Variants in BICD1 observed in about 807,000 individuals in gnomAD.
BICD1 encodes BICD cargo adaptor 1.
A neutral mutation model predicts 92.5 loss-of-function variants in BICD1; 35 were observed. The observed-to-expected ratio is 0.38, with a 90% CI of 0.29 to 0.50. BICD1 has a LOEUF of 0.50. BICD1 is among the 20% of genes least tolerant of loss of function. The pLI is 0.93. For synonymous variants in BICD1, 429 were observed against 465.1 expected (o/e 0.92, Z 1.00); for missense variants, 950 against 1,189.8 (o/e 0.80, Z 2.97).
At chr12:32,288,633 A>C (rs953500093) in intron 2 of BICD1, among the ~76,000 whole-genome samples, 13 of 152,136 alleles carry the variant, frequency 8.5e-5, no homozygotes, top group African/African-American at 3.1e-4. Flanking sequence ...TGGGAGGCCA[A>C]CGCAGGTGGA....
chr12:32,335,463 A>AT (rs1294996122), intron 6 of BICD1, among the ~76,000 whole-genome samples: 9 of 152,054 alleles, frequency 5.9e-5, no homozygotes, highest in Non-Finnish European at 1.0e-4. Context: ...TTTTGTGTTT[A>AT]AACATGAAGT....
intron 2 of BICD1, among the ~76,000 whole-genome samples, chr12:32,279,058 C>CA (rs1158391297): frequency 6.6e-6 from 1 of 151,796 alleles, no homozygotes; most frequent in African/African-American, 2.4e-5. Flanking sequence ...CTATAGACTT[C>CA]AAAAAACAAA....
intron 8 of BICD1, among the ~76,000 whole-genome samples, chr12:32,340,914 G>A (rs1162511414): frequency 6.6e-6 from 1 of 152,126 alleles, no homozygotes; most frequent in Non-Finnish European, 1.5e-5. Flanking sequence ...TCAAGAGTGA[G>A]ATCACTCAGT....
At chr12:32,185,549 T>C (rs1944404058) in intron 1 of BICD1, among the ~76,000 whole-genome samples, 2 of 152,164 alleles carry the variant, frequency 1.3e-5, no homozygotes, top group African/African-American at 4.8e-5. Flanking sequence ...AAGAACGCAA[T>C]GGGAACACAC....
chr12:32,265,966 G>A (rs1016251622), intron 2 of BICD1, among the ~76,000 whole-genome samples: 1 of 152,110 alleles, frequency 6.6e-6, no homozygotes, highest in Admixed American at 6.6e-5. Context: ...ATGAATAAGC[G>A]TGTCATCTCT....
chr12:32,225,631 T>TTTTTTG (rs1565600358), intron 2 of BICD1, among the ~76,000 whole-genome samples: 2 of 139,388 alleles, frequency 1.4e-5, no homozygotes, highest in Admixed American at 1.5e-4. Context: ...GTTTTTTTTT[T>TTTTTTG]TTTTTTTTTT....
chr12:32,175,331 TTC>T, intron 1 of BICD1, among the ~76,000 whole-genome samples: 1 of 152,314 alleles, frequency 6.6e-6, no homozygotes, highest in South Asian at 2.1e-4. Context: ...TTTCTTTTTC[TTC>T]TGAAATGGGG....
chr12:32,168,007 CGTGT>C lies in BICD1; in HGVS notation c.214-48213_214-48210del, dbSNP rs10568100. 3.9e-3 allele frequency among the ~76,000 whole-genome samples: 578 copies of C among 149,826 alleles called. 2 individuals are homozygous for C. The highest frequency in any genetic ancestry group is 0.011 in the African/African-American group (464 of 40,728). On this transcript the variant is annotated intron_variant, in intron 1 of 9. Transcript: ENST00000652176. ...TAACATGAAGGTTAAAAGGAGATGG[CGTGT>C]GTGTGTGTGTGTGTGTGTGTGTGTG...
chr12:32,269,100 A>G (rs1471021471), intron 2 of BICD1, among the ~76,000 whole-genome samples: 1 of 151,960 alleles, frequency 6.6e-6, no homozygotes, highest in Non-Finnish European at 1.5e-5. Flanking sequence ...TTCTGGGACC[A>G]CATTTTGAGA....
intron 1 of BICD1, among the ~76,000 whole-genome samples, chr12:32,135,050 C>T (rs11051812): frequency 5.5e-5 from 7 of 128,334 alleles, no homozygotes; most frequent in South Asian, 2.4e-4. Context: ...CCCCCTCCTC[C>T]CCTCCATTCC....
At chr12:32,177,428 G>C (rs1451148030) in intron 1 of BICD1, among the ~76,000 whole-genome samples, 2 of 150,390 alleles carry the variant, frequency 1.3e-5, no homozygotes, top group Non-Finnish European at 3.0e-5. Context: ...TTGATCTGGA[G>C]GAGTTTCTGG....
At chr12:32,244,609 T>C (rs896633724) in intron 2 of BICD1, among the ~76,000 whole-genome samples, 12 of 151,932 alleles carry the variant, frequency 7.9e-5, no homozygotes, top group Admixed American at 7.2e-4. Flanking sequence ...TCTTAAGTCT[T>C]AGTTTTCTCT....
intron 2 of BICD1, among the ~76,000 whole-genome samples, chr12:32,223,416 G>A (rs1168387155): frequency 6.6e-6 from 1 of 151,972 alleles, no homozygotes; most frequent in Non-Finnish European, 1.5e-5. Context: ...TACTCGGGAG[G>A]CTGAGGCGGA....
At chr12:32,294,232 T>G (rs1947800797) in intron 3 of BICD1, 86 bp downstream of exon 3, 1 of 1,266,536 alleles carries the variant, frequency 7.9e-7, no homozygotes, top group African/African-American at 1.5e-5. Flanking sequence ...TTGTCAGAAT[T>G]TATTGTTACT....
At chr12:32,131,486 C>CA (rs1418288493) in intron 1 of BICD1, among the ~76,000 whole-genome samples, 1 of 152,104 alleles carries the variant, frequency 6.6e-6, no homozygotes, top group African/African-American at 2.4e-5. Context: ...CTGAGGCTTA[C>CA]AAAAATACTG....
chr12:32,346,885 A>G (rs1938652000), intron 8 of BICD1, among the ~76,000 whole-genome samples: 1 of 150,246 alleles, frequency 6.7e-6, no homozygotes, highest in Admixed American at 6.6e-5. Context: ...CTAAATTTGA[A>G]TAACTAATGA....
At chr12:32,208,825 AT>A (rs947306062) in intron 1 of BICD1, among the ~76,000 whole-genome samples, 1 of 149,984 alleles carries the variant, frequency 6.7e-6, no homozygotes, top group Admixed American at 6.6e-5. Flanking sequence ...CTTTCTTTTT[AT>A]TTTTTTCTTT....
intron 1 of BICD1, among the ~76,000 whole-genome samples, chr12:32,167,916 G>T (rs1943819923): frequency 6.6e-6 from 1 of 152,098 alleles, no homozygotes; most frequent in Non-Finnish European, 1.5e-5. Context: ...TGACTTCAGT[G>T]AAGTTTCTTA....
intron 1 of BICD1, among the ~76,000 whole-genome samples, chr12:32,137,157 C>T (rs1343374620): frequency 3.3e-5 from 5 of 152,040 alleles, no homozygotes; most frequent in Admixed American, 6.6e-5. Context: ...GGTGTGATTT[C>T]AGCTCACTGC....
Sources: gnomAD v4.1 joint callset for allele counts (sites outside exome capture counted in the v4.1 genomes callset) on GRCh38, gnomAD v4.1.1 for gene constraint, MANE v1.5 for transcripts, NCBI Gene and HGNC (gene_info 2026-07-23, HGNC 2026-07-21) for gene names.